Variants in ITPR2 observed in about 807,000 individuals in gnomAD.
The protein encoded by ITPR2 is inositol 1,4,5-trisphosphate receptor type 2, also known as inositol 1,4,5-trisphosphate-gated calcium channel ITPR2.
A neutral mutation model predicts 317.1 loss-of-function variants in ITPR2; 207 were observed. The observed-to-expected ratio is 0.65, with a 90% CI of 0.58 to 0.73. The LOEUF (loss-of-function observed/expected upper bound fraction) is 0.73, where lower values mean the gene tolerates loss of function less well. ITPR2 is among the 30% of genes least tolerant of loss of function. The pLI, the probability that ITPR2 is intolerant of heterozygous loss-of-function variation, is 0.00. For missense variants in ITPR2, 2,613 were observed against 3,284.0 expected (o/e 0.80, Z 4.99); for synonymous variants, 1,156 against 1,149.1 (o/e 1.01, Z -0.12).
chr12:26,664,177 T>C (rs1947566537), intron 14 of ITPR2, among the ~76,000 whole-genome samples: 1 of 152,238 alleles, frequency 6.6e-6, no homozygotes, highest in African/African-American at 2.4e-5. Context: ...AAAATGTAGC[T>C]TGATTTCTAG....
chr12:26,783,325 C>T (rs988753748), intron 2 of ITPR2, among the ~76,000 whole-genome samples: 1 of 152,192 alleles, frequency 6.6e-6, no homozygotes, highest in African/African-American at 2.4e-5. Context: ...AGAACTGGAA[C>T]CTTCAAGACC....
At chr12:26,666,198 A>T in intron 13 of ITPR2, 147 bp from the exon 14 acceptor site, 1 of 367,622 alleles carries the variant, frequency 2.7e-6, no homozygotes, top group African/African-American at 2.7e-5. Context: ...TGGAACTCAA[A>T]TCCATGGAAA....
rs775776407 is a variant in ITPR2, at chr12:26,550,351, T to A, written c.4969A>T (p.Ile1657Phe). Residue 1657 changes from isoleucine to phenylalanine, a missense_variant, in exon 37 of 57, where the codon ATT (isoleucine) becomes TTT (phenylalanine). Physicochemically the swap from Ile to Phe is conservative, Grantham distance 21 (BLOSUM62 0). Coordinates refer to ENST00000381340, the MANE Select transcript of ITPR2 (RefSeq NM_002223.4). Reference protein sequence around the residue: ...IRCGAFMSKLINHTKKLMEKE... With the variant: ...IRCGAFMSKLFNHTKKLMEKE... ...TCCATTAGTTTCTTTGTATGATTAA[T>A]CAACCTTAAAGCAAAACATGAGACC... 5 of 1,331,852 alleles carry A rather than the reference T, an allele frequency of 3.8e-6. No homozygotes were observed. Among genetic ancestry groups the A allele is most frequent in the Non-Finnish European group, 5.3e-6 (5 of 936,272 alleles). The allele number at this position is 1,331,852 out of a possible 1,614,324, so 82.5% of individuals were successfully genotyped here.
chr12:26,680,463 T>A (rs1169811704), intron 13 of ITPR2, among the ~76,000 whole-genome samples: 3 of 152,204 alleles, frequency 2.0e-5, no homozygotes, highest in Non-Finnish European at 4.4e-5. Context: ...CACTGTTTTT[T>A]AAATTTTTTT....
chr12:26,768,571 TAA>T (rs879291062), intron 2 of ITPR2, among the ~76,000 whole-genome samples: 3 of 96,188 alleles, frequency 3.1e-5, no homozygotes, highest in African/African-American at 1.2e-4. Context: ...CAAATATATA[TAA>T]AAAAAAAAAA....
intron 1 of ITPR2, among the ~76,000 whole-genome samples, chr12:26,822,859 G>A (rs769548993): frequency 6.6e-6 from 1 of 152,178 alleles, no homozygotes; most frequent in Non-Finnish European, 1.5e-5. Context: ...GCATAAAATA[G>A]GTTCTCAGAT....
At chr12:26,737,774 A>C (rs1449900853) in intron 2 of ITPR2, among the ~76,000 whole-genome samples, 1 of 152,174 alleles carries the variant, frequency 6.6e-6, no homozygotes, top group African/African-American at 2.4e-5. Context: ...CTACATCAAA[A>C]TGCTCAAAGT....
At chr12:26,568,006 T>TTATATA (rs71069253) in intron 34 of ITPR2, among the ~76,000 whole-genome samples, 10 of 7,508 alleles carry the variant, frequency 1.3e-3, no homozygotes, top group East Asian at 4.3e-3. Context: ...ATTATATATA[T>TTATATA]TATATATATA....
At chr12:26,399,408 T>C (rs1940099932) in intron 53 of ITPR2, among the ~76,000 whole-genome samples, 1 of 152,238 alleles carries the variant, frequency 6.6e-6, no homozygotes, top group African/African-American at 2.4e-5. Flanking sequence ...ATTGGGGAGC[T>C]AAGGAGGACC....
intron 55 of ITPR2, among the ~76,000 whole-genome samples, chr12:26,344,904 T>G (rs924420290): frequency 9.2e-5 from 14 of 152,160 alleles, no homozygotes; most frequent in African/African-American, 3.4e-4. Context: ...CTAAATATTA[T>G]TCTGTCTTCC....
intron 19 of ITPR2, 92 bp from the exon 20 acceptor site, chr12:26,655,944 T>C: frequency 7.9e-7 from 1 of 1,269,262 alleles, no homozygotes; most frequent in Non-Finnish European, 1.1e-6. Flanking sequence ...TGCATAATCT[T>C]GGATAAATTA....
chr12:26,458,603 C>G (rs78404423), intron 45 of ITPR2, among the ~76,000 whole-genome samples: 1,525 of 152,234 alleles, frequency 0.01, 29 homozygotes, highest in African/African-American at 0.034. Flanking sequence ...AAGATAAACA[C>G]GAGACACTTC....
intron 54 of ITPR2, among the ~76,000 whole-genome samples, chr12:26,392,330 T>G (rs1349549896): frequency 2.0e-5 from 3 of 152,230 alleles, no homozygotes; most frequent in Non-Finnish European, 1.5e-5. Flanking sequence ...AGCACAGTTC[T>G]TGTAGTCATG....
At chr12:26,513,131 G>A (rs141320246) in intron 37 of ITPR2, among the ~76,000 whole-genome samples, 201 of 152,104 alleles carry the variant, frequency 1.3e-3, no homozygotes, top group African/African-American at 4.5e-3. Context: ...GTGAGCCACC[G>A]CGCCCGGCCG....
intron 24 of ITPR2, 78 bp from the exon 25 acceptor site, chr12:26,622,483 T>C (rs1450964905): frequency 5.4e-6 from 6 of 1,107,384 alleles, no homozygotes; most frequent in Non-Finnish European, 7.5e-6. Context: ...TGTATACGTA[T>C]TCTCAGAGGT....
At chr12:26,673,330 A>G (rs1947833104) in intron 13 of ITPR2, among the ~76,000 whole-genome samples, 1 of 151,908 alleles carries the variant, frequency 6.6e-6, no homozygotes. Flanking sequence ...GCAGCACATC[A>G]AAAAGCTTAT....
intron 55 of ITPR2, among the ~76,000 whole-genome samples, chr12:26,376,196 A>T (rs1187809248): frequency 6.6e-6 from 1 of 152,214 alleles, no homozygotes; most frequent in African/African-American, 2.4e-5. Context: ...TTTGTATTAG[A>T]ATTCTTAATT....
chr12:26,674,687 C>T (rs1207310682), intron 13 of ITPR2, among the ~76,000 whole-genome samples: 30 of 152,242 alleles, frequency 2.0e-4, no homozygotes, highest in African/African-American at 6.5e-4. Flanking sequence ...AAAGCCAAAA[C>T]TGACAAATGG....
chr12:26,655,643 T>G, intron 20 of ITPR2, 65 bp downstream of exon 20: 2 of 945,598 alleles, frequency 2.1e-6, no homozygotes, highest in Non-Finnish European at 2.9e-6. Flanking sequence ...GCAGAGAAAA[T>G]AATACCTTCA....
Sources: gnomAD v4.1 joint callset for allele counts (sites outside exome capture counted in the v4.1 genomes callset) on GRCh38, gnomAD v4.1.1 for gene constraint, MANE v1.5 for transcripts, NCBI Gene and HGNC (gene_info 2026-07-23, HGNC 2026-07-21) for gene names.